The following ZNRF3 variants were observed in gnomAD, a reference collection of about 807,000 sequenced individuals.
ZNRF3 encodes zinc and ring finger 3, also known as E3 ubiquitin-protein ligase ZNRF3.
Under a neutral mutation model 72.5 loss-of-function variants are expected in ZNRF3, and 23 were observed. The observed-to-expected ratio is 0.32, with a 90% CI of 0.23 to 0.45. The LOEUF is 0.45. Ranked by LOEUF, ZNRF3 falls within the 20% of genes least tolerant of loss-of-function variation. The pLI is 1.00. For synonymous variants in ZNRF3, 610 were observed against 545.3 expected (o/e 1.12, Z -1.65); for missense variants, 1,169 against 1,272.1 (o/e 0.92, Z 1.23).
intron 1 of ZNRF3, among the ~76,000 whole-genome samples, chr22:28,918,495 T>C (rs2123766232): frequency 6.6e-6 from 1 of 151,728 alleles, no homozygotes; most frequent in Non-Finnish European, 1.5e-5. Flanking sequence ...TGCGTGCGTG[T>C]GTGTGTATGC....
At chr22:28,997,247 A>G (rs923606956) in intron 2 of ZNRF3, among the ~76,000 whole-genome samples, 1 of 152,164 alleles carries the variant, frequency 6.6e-6, no homozygotes, top group African/African-American at 2.4e-5. Context: ...GCTTATTGCC[A>G]TGGCATCCCT....
At chr22:29,024,242 C>T (rs1427233432) in intron 2 of ZNRF3, among the ~76,000 whole-genome samples, 1 of 149,998 alleles carries the variant, frequency 6.7e-6, no homozygotes, top group African/African-American at 2.5e-5. Context: ...GGTTCAGTCT[C>T]TCGAGTCTCT....
intron 2 of ZNRF3, among the ~76,000 whole-genome samples, chr22:28,990,322 A>G (rs1205349796): frequency 1.3e-5 from 2 of 152,234 alleles, no homozygotes; most frequent in African/African-American, 4.8e-5. Flanking sequence ...AGGCTCTGTT[A>G]CCTGTGGCAG....
In ZNRF3 at chr22:29,048,533, C is replaced by T. The variant is rs1467640715; in HGVS notation, c.1015+42C>T. 6.3e-7 allele frequency: 1 copy of T among 1,589,316 alleles called. No homozygotes were observed. The highest frequency in any genetic ancestry group is 1.7e-5 in the Admixed American group (1 of 59,930). ...TTAGCCATTGCTGAAGAGTCAAGTG[C>T]CTAGCTAGAGTGTGACACACACCGC... On this transcript the variant is annotated intron_variant, in intron 7 of 8. Coordinates refer to ENST00000544604, the MANE Select transcript of ZNRF3 (RefSeq NM_001206998.2). This position sits in a 1 kb window ranked among gnomAD's most constrained non-coding sequence, Gnocchi z 4.9.
intron 2 of ZNRF3, among the ~76,000 whole-genome samples, chr22:29,020,601 G>A (rs1012448035): frequency 6.6e-6 from 1 of 151,794 alleles, no homozygotes; most frequent in Admixed American, 6.6e-5. Context: ...TTCATCCGTG[G>A]TTGGTTGAAT....
chr22:29,000,705 G>A (rs1251983100), intron 2 of ZNRF3, among the ~76,000 whole-genome samples: 1 of 152,206 alleles, frequency 6.6e-6, no homozygotes, highest in Non-Finnish European at 1.5e-5. Flanking sequence ...AAGGTGTACA[G>A]GAAGTGTGTT....
intron 8 of ZNRF3, among the ~76,000 whole-genome samples, chr22:29,053,316 C>T (rs2037240837): frequency 6.6e-6 from 1 of 152,348 alleles, no homozygotes; most frequent in Non-Finnish European, 1.5e-5. Context: ...ACCGGGCACC[C>T]AGTTAACATC....
At chr22:28,938,879 G>A (rs1045316539) in intron 1 of ZNRF3, among the ~76,000 whole-genome samples, 2 of 152,156 alleles carry the variant, frequency 1.3e-5, no homozygotes, top group Admixed American at 6.5e-5. Flanking sequence ...CAGAACAGAT[G>A]GAAGTATAGC....
chr22:29,000,733 G>A (rs1358933715), intron 2 of ZNRF3, among the ~76,000 whole-genome samples: 2 of 152,186 alleles, frequency 1.3e-5, no homozygotes, highest in Non-Finnish European at 2.9e-5. Flanking sequence ...TCTGGTTCTA[G>A]TGAGGGCCTC....
intron 1 of ZNRF3, among the ~76,000 whole-genome samples, chr22:28,954,465 C>T (rs1242095950): frequency 6.6e-6 from 1 of 152,178 alleles, no homozygotes; most frequent in Non-Finnish European, 1.5e-5. Flanking sequence ...TCTCCAAGTG[C>T]ATATTGGGGG....
intron 1 of ZNRF3, among the ~76,000 whole-genome samples, chr22:28,978,713 C>G (rs537168707): frequency 6.7e-6 from 1 of 149,928 alleles, no homozygotes. Flanking sequence ...CTTCACCACC[C>G]CTGATTGCTA....
Position 29,053,748 on chromosome 22 carries a change from G to T in ZNRF3, c.*126G>T. 1.0e-6 allele frequency: 1 copy of T among 964,106 alleles called. No homozygotes were observed. The highest frequency in any genetic ancestry group is 1.5e-6 in the Non-Finnish European group (1 of 658,540). 59.7% of individuals were successfully genotyped at this position (964,106 alleles called of 1,614,324 possible). ...ACACACAAAAGTGGTAATAAAGAGA[G>T]CCCTCCTTGTCAACCCAAAATGTGA... On this transcript the variant is annotated 3_prime_UTR_variant, in exon 9 of 9. Coordinates refer to ENST00000544604, the MANE Select transcript of ZNRF3 (RefSeq NM_001206998.2).
At chr22:28,886,538 C>G (rs1193808733) in intron 1 of ZNRF3, among the ~76,000 whole-genome samples, 1 of 152,218 alleles carries the variant, frequency 6.6e-6, no homozygotes, top group Non-Finnish European at 1.5e-5. Flanking sequence ...TATCCACAGT[C>G]TTCAAGAATA....
intron 1 of ZNRF3, among the ~76,000 whole-genome samples, chr22:28,944,801 C>A (rs905436847): frequency 2.0e-5 from 3 of 151,042 alleles, no homozygotes; most frequent in African/African-American, 7.3e-5. Context: ...TGGCACACAC[C>A]TGTAGTCCCA....
chr22:28,941,762 T>C (rs1475822467), intron 1 of ZNRF3, among the ~76,000 whole-genome samples: 1 of 151,590 alleles, frequency 6.6e-6, no homozygotes, highest in East Asian at 2.0e-4. Flanking sequence ...AATACAAAAA[T>C]TAGCTGGGCG....
rs572878226 is a variant in ZNRF3, at chr22:29,050,034, G to A, written c.1853G>A (p.Arg618Gln). ...SEAGGSGSSG[R>Q]GPALCFEGSP... ...GCGGGGGGCTCGGGCAGCTCGGGCCGGGGACCTGCCCTGTGCTTCGAGGGC... is the reference window on the plus strand; with the variant it reads ...GCGGGGGGCTCGGGCAGCTCGGGCCAGGGACCTGCCCTGTGCTTCGAGGGC... The change falls in exon 8 of 9, where the codon CGG (arginine) becomes CAG (glutamine). Residue 618 changes from arginine to glutamine, a missense_variant. Arg to Gln is a conservative substitution (Grantham distance 43). Around this residue, in one of 2 missense-constraint regions of ZNRF3, gnomAD observed 783 missense variants for 731.4 expected, o/e 1.07. Transcript: ENST00000544604. 16 of 1,609,602 alleles carry A rather than the reference G, an allele frequency of 9.9e-6. No individual in the cohort carries two copies. The highest frequency in any genetic ancestry group is 1.4e-5 in the Non-Finnish European group (16 of 1,178,446).
intron 1 of ZNRF3, among the ~76,000 whole-genome samples, chr22:28,941,092 T>C (rs2034937833): frequency 6.6e-6 from 1 of 152,216 alleles, no homozygotes; most frequent in Admixed American, 6.5e-5. Context: ...TTTATTTTCC[T>C]CTGGCATTAA....
chr22:29,011,698 C>T (rs961498775), intron 2 of ZNRF3, among the ~76,000 whole-genome samples: 1 of 152,234 alleles, frequency 6.6e-6, no homozygotes, highest in Non-Finnish European at 1.5e-5. Flanking sequence ...ACTGTTGGCT[C>T]AAAGGAGCCT....
intron 2 of ZNRF3, among the ~76,000 whole-genome samples, chr22:29,023,034 G>A (rs1347745529): frequency 6.6e-6 from 1 of 152,028 alleles, no homozygotes; most frequent in Non-Finnish European, 1.5e-5. Flanking sequence ...CAACAAATTG[G>A]TTTTTAAAAA....
Sources: allele counts gnomAD v4.1 joint callset (sites outside exome capture counted in the v4.1 genomes callset), GRCh38; gene constraint gnomAD v4.1.1; regional missense constraint gnomAD v4.1.1; non-coding constraint Gnocchi (gnomAD v3.1); transcripts MANE v1.5; gene names NCBI Gene and HGNC (gene_info 2026-07-23, HGNC 2026-07-21).